The following RRAS2 variants were observed in gnomAD, a reference collection of about 807,000 sequenced individuals.
RRAS2 encodes the protein RAS related 2.
RRAS2 carries 7 observed loss-of-function variants against 27.6 expected under a neutral mutation model. That is an observed-to-expected ratio of 0.25 (90% CI 0.14 to 0.48). RRAS2 has a LOEUF of 0.48. RRAS2 is among the 20% of genes least tolerant of loss of function. The pLI is 0.99. For synonymous variants in RRAS2, 86 were observed against 90.9 expected, an observed-to-expected ratio of 0.95 and a Z score of 0.31; for missense variants, 178 against 256.2, an observed-to-expected ratio of 0.69 and a Z score of 2.08.
intron 4 of RRAS2, among the ~76,000 whole-genome samples, chr11:14,288,844 T>C (rs782481972): frequency 6.6e-6 from 1 of 152,148 alleles, no homozygotes; most frequent in Non-Finnish European, 1.5e-5. Flanking sequence ...GTTAATGAAG[T>C]TTACAGAAGC....
At chr11:14,304,552 G>A (rs1177335215) in intron 1 of RRAS2, among the ~76,000 whole-genome samples, 2 of 152,216 alleles carry the variant, frequency 1.3e-5, no homozygotes, top group Non-Finnish European at 2.9e-5. Flanking sequence ...TGTGTTATAT[G>A]TATGTCCCAG....
chr11:14,323,645 A>C (rs1554950601), intron 1 of RRAS2, among the ~76,000 whole-genome samples: 1 of 152,194 alleles, frequency 6.6e-6, no homozygotes, highest in African/African-American at 2.4e-5. Flanking sequence ...CTTCCAGAGA[A>C]TAGAAAAGGA....
intron 1 of RRAS2, among the ~76,000 whole-genome samples, chr11:14,330,735 A>G (rs118069898): frequency 1.4e-3 from 213 of 152,350 alleles, no homozygotes; most frequent in Non-Finnish European, 2.4e-3. Context: ...AACCACAGCT[A>G]TATGTTGAGA....
intron 4 of RRAS2, among the ~76,000 whole-genome samples, chr11:14,287,785 T>C (rs987338941): frequency 1.3e-5 from 2 of 150,774 alleles, no homozygotes; most frequent in African/African-American, 2.4e-5. Context: ...GGCAGGAGAA[T>C]TGCTTGAACC....
intron 1 of RRAS2, among the ~76,000 whole-genome samples, chr11:14,311,714 C>T (rs782210858): frequency 1.3e-5 from 2 of 152,048 alleles, no homozygotes; most frequent in South Asian, 2.1e-4. Context: ...GTCAGTTATA[C>T]TGGAAAATTA....
At chr11:14,314,822 G>A (rs1242778814) in intron 1 of RRAS2, among the ~76,000 whole-genome samples, 4 of 152,206 alleles carry the variant, frequency 2.6e-5, no homozygotes, top group African/African-American at 7.2e-5. Context: ...CAGAGTAGCT[G>A]GGACTACAGG....
intron 1 of RRAS2, among the ~76,000 whole-genome samples, chr11:14,351,149 C>A (rs887721643): frequency 2.6e-5 from 4 of 152,216 alleles, no homozygotes; most frequent in Admixed American, 6.5e-5. Context: ...AATGCATAAC[C>A]TGAATCTAAT....
intron 1 of RRAS2, among the ~76,000 whole-genome samples, chr11:14,298,410 C>T (rs756362755): frequency 2.2e-4 from 33 of 152,134 alleles, no homozygotes; most frequent in Non-Finnish European, 4.3e-4. Flanking sequence ...TTAACATGCA[C>T]AAAAGATTGT....
In RRAS2 at chr11:14,358,997, G is replaced by A; in HGVS notation, c.-127C>T. The A allele has an allele frequency of 8.8e-7, 1 of 1,141,820 alleles. No individual in the cohort carries two copies. Among genetic ancestry groups the A allele is most frequent in the Middle Eastern group, 3.7e-4 (1 of 2,700 alleles). 70.7% of individuals were successfully genotyped at this position (1,141,820 alleles called of 1,614,324 possible). ...GGCCGGGCTGGGGTCCCGGGTACCG[G>A]GAGGCGTCTGGAGGGCCGGTCAGCG... On this transcript the variant is annotated 5_prime_UTR_variant, in exon 1 of 6. Transcript: ENST00000256196. This position sits in a 1 kb window ranked among gnomAD's most constrained non-coding sequence, Gnocchi z 5.1.
chr11:14,295,874 CTTTAT>C lies in RRAS2; in HGVS notation c.109-24_109-20del. ...AATAGGACTGCAAGAAAAGAAAAAA[CTTTAT>C]TTTAAAATTCATGGCCAGGCATGGT... On this transcript the variant is annotated intron_variant, in intron 1 of 5. Coordinates refer to ENST00000256196, the MANE Select transcript of RRAS2 (RefSeq NM_012250.6). 1 of 1,607,586 alleles carries C rather than the reference CTTTAT, an allele frequency of 6.2e-7. No homozygotes were observed. Among genetic ancestry groups the C allele is most frequent in the Non-Finnish European group, 8.5e-7 (1 of 1,176,742 alleles).
chr11:14,343,619 G>C (rs1554953603), intron 1 of RRAS2, among the ~76,000 whole-genome samples: 2 of 151,938 alleles, frequency 1.3e-5, no homozygotes, highest in African/African-American at 4.8e-5. Context: ...CTTGAGCTCA[G>C]CCTGAGTTTG....
At chr11:14,296,814 T>C (rs1322017304) in intron 1 of RRAS2, among the ~76,000 whole-genome samples, 3 of 151,948 alleles carry the variant, frequency 2.0e-5, no homozygotes, top group African/African-American at 7.2e-5. Flanking sequence ...ACCGAAGTCA[T>C]TACCATAAAA....
intron 4 of RRAS2, among the ~76,000 whole-genome samples, chr11:14,290,374 G>A (rs535268290): frequency 1.2e-4 from 18 of 152,304 alleles, no homozygotes; most frequent in South Asian, 4.1e-4. Flanking sequence ...GCTTGAACCC[G>A]GGAGGTGGAT....
At chr11:14,292,721 TATAACCAG>T (rs1847433110) in intron 4 of RRAS2, among the ~76,000 whole-genome samples, 1 of 152,180 alleles carries the variant, frequency 6.6e-6, no homozygotes, top group South Asian at 2.1e-4. Flanking sequence ...ACTCTAACTT[TATAACCAG>T]ATTTGAACGA....
At chr11:14,311,375 CT>C (rs1189782320) in intron 1 of RRAS2, among the ~76,000 whole-genome samples, 2 of 151,986 alleles carry the variant, frequency 1.3e-5, no homozygotes, top group African/African-American at 4.8e-5. Flanking sequence ...TAAAAAAGTA[CT>C]TTATTTTATT....
At chr11:14,290,424 G>A (rs1849780460) in intron 4 of RRAS2, among the ~76,000 whole-genome samples, 1 of 152,154 alleles carries the variant, frequency 6.6e-6, no homozygotes, top group Admixed American at 6.5e-5. Context: ...ACTCCAGCCT[G>A]GGAGACAAAG....
At chr11:14,304,886 A>AT (rs779626776) in intron 1 of RRAS2, among the ~76,000 whole-genome samples, 14 of 151,884 alleles carry the variant, frequency 9.2e-5, no homozygotes, top group South Asian at 2.1e-4. Context: ...ATCCTCCCTT[A>AT]TTTTTTTTGT....
intron 5 of RRAS2, among the ~76,000 whole-genome samples, chr11:14,280,869 T>C (rs534520988): frequency 1.9e-4 from 28 of 148,794 alleles, no homozygotes; most frequent in African/African-American, 6.8e-4. Flanking sequence ...ATAAATCAAA[T>C]CCTACTCACT....
At chr11:14,282,337 A>T (rs1849562529) in intron 4 of RRAS2, among the ~76,000 whole-genome samples, 2 of 152,334 alleles carry the variant, frequency 1.3e-5, no homozygotes, top group East Asian at 3.9e-4. Flanking sequence ...GGTGACACTC[A>T]TCAATATGTG....
Sources: gnomAD v4.1 joint callset for allele counts (sites outside exome capture counted in the v4.1 genomes callset) on GRCh38, gnomAD v4.1.1 for gene constraint, Gnocchi (gnomAD v3.1) non-coding constraint, MANE v1.5 for transcripts, NCBI Gene and HGNC (gene_info 2026-07-23, HGNC 2026-07-21) for gene names.